Variants in LGSN observed in about 807,000 individuals in gnomAD.
LGSN encodes the protein lengsin.
Under a neutral mutation model 19.5 loss-of-function variants are expected in LGSN, and 21 were observed. That is an observed-to-expected ratio of 1.07 (90% CI 0.76 to 1.55). LGSN has a LOEUF of 1.55. Among genes scored for constraint, LGSN ranks in the 40% most tolerant of loss-of-function variants. The pLI is 0.00. For missense variants in LGSN, 673 were observed against 608.5 expected (o/e 1.11, Z -1.12); for synonymous variants, 257 against 215.6 (o/e 1.19, Z -1.68).
At chr6:63,534,670 A>G in the LGSN span, among the ~76,000 whole-genome samples, 1 of 151,884 alleles carries the variant, frequency 6.6e-6, no homozygotes, top group Admixed American at 6.6e-5. Context: ...AATTGTCACC[A>G]GGCACGGTGG....
At chr6:63,524,612 C>G in the LGSN span, among the ~76,000 whole-genome samples, 3 of 151,836 alleles carry the variant, frequency 2.0e-5, no homozygotes, top group Non-Finnish European at 4.4e-5. Context: ...TAAAATTATC[C>G]AAACAGAAGC....
chr6:63,410,643 G>A, the LGSN span, among the ~76,000 whole-genome samples: 1 of 152,162 alleles, frequency 6.6e-6, no homozygotes, highest in Non-Finnish European at 1.5e-5. Context: ...TATTGGCTCT[G>A]GGGCTTCTTT....
intron 1 of LGSN, among the ~76,000 whole-genome samples, chr6:63,311,958 C>T (rs1768644896): frequency 6.6e-6 from 1 of 152,170 alleles, no homozygotes; most frequent in African/African-American, 2.4e-5. Flanking sequence ...AACCTTTTTA[C>T]ACATCACATA....
At chr6:63,440,973 G>A in the LGSN span, 2,730 of 158,396 alleles carry the variant, frequency 0.017, 44 homozygotes, top group Non-Finnish European at 0.028. Flanking sequence ...TTGAGAGGCC[G>A]AGGAGGACGG....
chr6:63,374,406 G>A, the LGSN span, among the ~76,000 whole-genome samples: 1 of 152,116 alleles, frequency 6.6e-6, no homozygotes, highest in Non-Finnish European at 1.5e-5. Context: ...CAAAAAGAAG[G>A]GTAACGCCAC....
At chr6:63,329,438 T>G in the LGSN span, among the ~76,000 whole-genome samples, 2 of 152,246 alleles carry the variant, frequency 1.3e-5, no homozygotes, top group African/African-American at 2.4e-5. Context: ...TCTAAGATCT[T>G]GCACTAGTCT....
chr6:63,404,818 A>T, the LGSN span, among the ~76,000 whole-genome samples: 1 of 151,994 alleles, frequency 6.6e-6, no homozygotes, highest in Non-Finnish European at 1.5e-5. Context: ...TTTTATTATT[A>T]TTATACTTTA....
At chr6:63,375,873 A>G in the LGSN span, among the ~76,000 whole-genome samples, 1 of 152,186 alleles carries the variant, frequency 6.6e-6, no homozygotes, top group Admixed American at 6.5e-5. Context: ...ATGTTTTTTG[A>G]GCATATACTA....
intron 1 of LGSN, among the ~76,000 whole-genome samples, chr6:63,302,901 T>G (rs908970993): frequency 2.6e-5 from 4 of 151,952 alleles, no homozygotes; most frequent in Admixed American, 1.3e-4. Flanking sequence ...CCGAGGTAGG[T>G]GGATCACTCG....
chr6:63,452,765 T>TG, the LGSN span, among the ~76,000 whole-genome samples: 3 of 151,208 alleles, frequency 2.0e-5, no homozygotes, highest in South Asian at 6.2e-4. Context: ...TTTTTTTTCT[T>TG]CTTTTTTCTG....
the LGSN span, among the ~76,000 whole-genome samples, chr6:63,517,322 A>T: frequency 4.6e-5 from 7 of 152,186 alleles, no homozygotes; most frequent in Non-Finnish European, 1.0e-4. Context: ...ATTACCTGCA[A>T]TAAAGAAAAG....
the LGSN span, among the ~76,000 whole-genome samples, chr6:63,541,368 C>G: frequency 6.6e-6 from 1 of 151,952 alleles, no homozygotes. Context: ...GCCTGGCCAA[C>G]ATAGTGAAAC....
the LGSN span, among the ~76,000 whole-genome samples, chr6:63,426,937 T>G: frequency 6.6e-6 from 1 of 152,194 alleles, no homozygotes; most frequent in African/African-American, 2.4e-5. Context: ...CTTTTCATCC[T>G]TGATATCTTG....
At chr6:63,321,469 A>T (rs1769080659), upstream of LGSN, among the ~76,000 whole-genome samples, 1 of 152,020 alleles carries the variant, frequency 6.6e-6, no homozygotes, top group African/African-American at 2.4e-5. Context: ...TTCTCCTGGG[A>T]GTTTTATTGT....
At chr6:63,535,871 G>A in the LGSN span, among the ~76,000 whole-genome samples, 46,843 of 152,094 alleles carry the variant, frequency 0.31, 7,412 homozygotes, top group Admixed American at 0.39. Context: ...TGTCAACCAG[G>A]CTGCAATTCT....
At chr6:63,430,338 A>C in the LGSN span, among the ~76,000 whole-genome samples, 1 of 152,228 alleles carries the variant, frequency 6.6e-6, no homozygotes, top group Admixed American at 6.5e-5. Flanking sequence ...CTTCATTGAT[A>C]TCTTTAACCC....
At chr6:63,412,806 G>C in the LGSN span, among the ~76,000 whole-genome samples, 1 of 146,510 alleles carries the variant, frequency 6.8e-6, no homozygotes, top group Non-Finnish European at 1.5e-5. Flanking sequence ...AGGAAAGAAG[G>C]AAGGAAGGAA....
At chr6:63,483,229 C>T in the LGSN span, among the ~76,000 whole-genome samples, 1 of 152,296 alleles carries the variant, frequency 6.6e-6, no homozygotes, top group East Asian at 1.9e-4. Context: ...AAAATGTAAC[C>T]AAAGGTCCAG....
At chr6:63,376,283 G>A in the LGSN span, among the ~76,000 whole-genome samples, 3 of 152,122 alleles carry the variant, frequency 2.0e-5, no homozygotes, top group Non-Finnish European at 4.4e-5. Context: ...AACACAGAAC[G>A]TTTCTGAAGA....
Sources: allele counts gnomAD v4.1 joint callset (sites outside exome capture counted in the v4.1 genomes callset), GRCh38; gene constraint gnomAD v4.1.1; transcripts MANE v1.5; gene names NCBI Gene and HGNC (gene_info 2026-07-23, HGNC 2026-07-21).